The following CIMIP4 variants were observed in gnomAD, a reference collection of about 807,000 sequenced individuals.
CIMIP4 encodes the protein protein EAN57.
At chr22:37,000,063 C>T in the CIMIP4 span, 1 of 1,523,270 alleles carries the variant, frequency 6.6e-7, no homozygotes, top group East Asian at 2.3e-5. Flanking sequence ...ACTCCTCCTC[C>T]CTTGACCCTG....
At chr22:37,006,755 A>T in the CIMIP4 span, among the ~76,000 whole-genome samples, 1 of 152,180 alleles carries the variant, frequency 6.6e-6, no homozygotes, top group Non-Finnish European at 1.5e-5. Flanking sequence ...GCTCCCAATG[A>T]TCCCTGTTTC....
chr22:37,003,302 C>G, the CIMIP4 span, among the ~76,000 whole-genome samples: 1 of 152,322 alleles, frequency 6.6e-6, no homozygotes, highest in African/African-American at 2.4e-5. Context: ...CCTGGGCATT[C>G]AGGTCATTGG....
the CIMIP4 span, among the ~76,000 whole-genome samples, chr22:36,992,507 A>G: frequency 6.6e-6 from 1 of 152,236 alleles, no homozygotes; most frequent in Non-Finnish European, 1.5e-5. Flanking sequence ...TAATTGAAAA[A>G]AAATTAAACT....
chr22:36,991,700 G>C, the CIMIP4 span: 5 of 923,220 alleles, frequency 5.4e-6, no homozygotes, highest in African/African-American at 1.6e-5. Context: ...TTGTGGAACG[G>C]AAGGAGAGTG....
At chr22:37,002,887 A>C in the CIMIP4 span, among the ~76,000 whole-genome samples, 1 of 151,992 alleles carries the variant, frequency 6.6e-6, no homozygotes. Flanking sequence ...GAGAAGTGGC[A>C]CCATCCCAGC....
the CIMIP4 span, among the ~76,000 whole-genome samples, chr22:37,004,687 A>G: frequency 7.6e-6 from 1 of 131,808 alleles, no homozygotes; most frequent in Admixed American, 7.9e-5. Flanking sequence ...TTCTTATGTG[A>G]TCTTTCTTTT....
At chr22:36,991,770 G>A in the CIMIP4 span, among the ~76,000 whole-genome samples, 2 of 152,164 alleles carry the variant, frequency 1.3e-5, no homozygotes, top group Non-Finnish European at 2.9e-5. Flanking sequence ...TTTATGGGTA[G>A]TATAGCCTCA....
chr22:37,006,187 G>A, the CIMIP4 span, among the ~76,000 whole-genome samples: 13 of 152,166 alleles, frequency 8.5e-5, no homozygotes, highest in Non-Finnish European at 1.8e-4. Flanking sequence ...TCAGCAAAAT[G>A]TTGGCAACTT....
the CIMIP4 span, chr22:37,003,879 G>T: frequency 7.2e-7 from 1 of 1,390,894 alleles, no homozygotes; most frequent in South Asian, 1.4e-5. Context: ...GGAGCGGGAG[G>T]AGAAAGGGCC....
chr22:36,996,221 C>A, the CIMIP4 span, among the ~76,000 whole-genome samples: 3 of 145,784 alleles, frequency 2.1e-5, no homozygotes, highest in Non-Finnish European at 4.6e-5. Flanking sequence ...AGAGCAGTAC[C>A]TGGCATATGT....
the CIMIP4 span, chr22:37,007,458 C>T: frequency 6.6e-6 from 1 of 152,212 alleles, no homozygotes; most frequent in Non-Finnish European, 1.5e-5. Context: ...CTCCTCCTAT[C>T]CCCAGCCACC....
At chr22:36,991,708 G>A in the CIMIP4 span, 1 of 865,142 alleles carries the variant, frequency 1.2e-6, no homozygotes, top group Non-Finnish European at 1.9e-6. Context: ...CGGAAGGAGA[G>A]TGGGAAGGGT....
the CIMIP4 span, among the ~76,000 whole-genome samples, chr22:37,003,741 A>T: frequency 6.6e-6 from 1 of 152,192 alleles, no homozygotes; most frequent in Non-Finnish European, 1.5e-5. Context: ...TATCGGGGTG[A>T]TAATCCCTGC....
At chr22:37,001,882 G>A in the CIMIP4 span, 14 of 1,610,170 alleles carry the variant, frequency 8.7e-6, no homozygotes, top group Non-Finnish European at 1.2e-5. Context: ...TCCCAAACTT[G>A]TGGCGAATGT....
the CIMIP4 span, among the ~76,000 whole-genome samples, chr22:36,992,797 T>C: frequency 1.3e-5 from 2 of 151,848 alleles, no homozygotes; most frequent in Non-Finnish European, 2.9e-5. Context: ...GAAATTAATA[T>C]TAGGATGCAA....
chr22:36,991,606 G>A, the CIMIP4 span: 1 of 1,612,192 alleles, frequency 6.2e-7, no homozygotes, highest in East Asian at 2.2e-5. Flanking sequence ...AGAATACCAT[G>A]AAGAAACCCC....
chr22:36,998,617 C>CA, the CIMIP4 span, among the ~76,000 whole-genome samples: 1 of 152,136 alleles, frequency 6.6e-6, no homozygotes, highest in South Asian at 2.1e-4. Flanking sequence ...GCTTTGAAGG[C>CA]AGAAGGAACA....
chr22:37,001,822 C>A, the CIMIP4 span: 2 of 1,544,388 alleles, frequency 1.3e-6, no homozygotes, highest in East Asian at 2.3e-5. Context: ...ACCCTCCTGG[C>A]CCCTGCTATG....
the CIMIP4 span, among the ~76,000 whole-genome samples, chr22:37,002,645 G>A: frequency 2.0e-5 from 3 of 152,192 alleles, no homozygotes; most frequent in Admixed American, 6.5e-5. Context: ...GACTTGGCCT[G>A]TCTGTGCTTT....
Sources: gnomAD v4.1 joint callset for allele counts (sites outside exome capture counted in the v4.1 genomes callset) on GRCh38, gnomAD v4.1.1 for gene constraint, MANE v1.5 for transcripts, NCBI Gene and HGNC (gene_info 2026-07-23, HGNC 2026-07-21) for gene names.